DLG2: variants seen among roughly 807,000 people sequenced by gnomAD.
DLG2 encodes discs large MAGUK scaffold protein 2, also known as disks large homolog 2.
A neutral mutation model predicts 132.5 loss-of-function variants in DLG2; 45 were observed. That is an observed-to-expected ratio of 0.34 (90% CI 0.27 to 0.44). The LOEUF (loss-of-function observed/expected upper bound fraction) is 0.44, where lower values mean the gene tolerates loss of function less well. Among genes scored for constraint, DLG2 ranks in the 20% least tolerant of loss-of-function variants. The probability of loss-of-function intolerance (pLI) is 1.00; values close to 1 mark genes in which losing one functional copy is unlikely to be tolerated. For missense variants in DLG2, 1,045 were observed against 1,196.9 expected, an observed-to-expected ratio of 0.87 and a Z score of 1.87; for synonymous variants, 424 against 419.6, an observed-to-expected ratio of 1.01 and a Z score of -0.13.
intron 3 of DLG2, among the ~76,000 whole-genome samples, chr11:85,330,792 TAAAA>T (rs56995757): frequency 2.7e-4 from 31 of 116,474 alleles, no homozygotes; most frequent in African/African-American, 8.4e-4. Flanking sequence ...AAAAAAAAAT[TAAAA>T]AAAAAAAAAA....
chr11:83,692,925 C>G (rs902575520), intron 18 of DLG2: 3 of 152,144 alleles, frequency 2.0e-5, no homozygotes, highest in Non-Finnish European at 2.9e-5. Context: ...TTCCCTTCTA[C>G]TAGCTTGATG....
chr11:84,198,846 A>G (rs964303970), intron 8 of DLG2, among the ~76,000 whole-genome samples: 2 of 152,174 alleles, frequency 1.3e-5, no homozygotes, highest in African/African-American at 4.8e-5. Flanking sequence ...TATAAAAGAC[A>G]TACATTTTGT....
At chr11:83,608,279 A>G (rs1001915930) in intron 19 of DLG2, among the ~76,000 whole-genome samples, 11 of 152,172 alleles carry the variant, frequency 7.2e-5, no homozygotes, top group Non-Finnish European at 1.3e-4. Context: ...TCATCTAACA[A>G]TGAAGCTTGA....
chr11:85,607,943 C>T (rs571094197), intron 2 of DLG2, among the ~76,000 whole-genome samples: 5 of 152,240 alleles, frequency 3.3e-5, no homozygotes, highest in South Asian at 4.1e-4. Flanking sequence ...AACAAGTTTT[C>T]GACAATGCTT....
chr11:83,633,442 G>T (rs1294278507), intron 18 of DLG2, 117 bp from the exon 19 acceptor site: 1 of 735,720 alleles, frequency 1.4e-6, no homozygotes. Context: ...ACAATGGGGA[G>T]ATGTGCAACT....
At chr11:83,604,021 T>C (rs582207) in intron 19 of DLG2, among the ~76,000 whole-genome samples, 75,892 of 152,012 alleles carry the variant, frequency 0.5, 19,915 homozygotes, top group African/African-American at 0.65. Flanking sequence ...AAAATATAGA[T>C]AGATTTCAAA....
intron 6 of DLG2, among the ~76,000 whole-genome samples, chr11:84,686,629 G>GT: frequency 1.7e-5 from 2 of 121,080 alleles, no homozygotes; most frequent in Non-Finnish European, 3.3e-5. Flanking sequence ...CTGGCCTTGA[G>GT]GTTTTTTTTT....
chr11:85,504,473 C>G (rs751289396), intron 3 of DLG2, among the ~76,000 whole-genome samples: 3 of 152,014 alleles, frequency 2.0e-5, no homozygotes, highest in Non-Finnish European at 4.4e-5. Flanking sequence ...ATAGGGAAAC[C>G]TTTCCCCATT....
chr11:84,982,731 C>T (rs1243394206), intron 6 of DLG2, among the ~76,000 whole-genome samples: 1 of 151,624 alleles, frequency 6.6e-6, no homozygotes, highest in Non-Finnish European at 1.5e-5. Flanking sequence ...TAATTATATA[C>T]CAAGATGAAG....
At chr11:84,785,380 C>G (rs768348015) in intron 6 of DLG2, among the ~76,000 whole-genome samples, 3 of 151,988 alleles carry the variant, frequency 2.0e-5, no homozygotes, top group Non-Finnish European at 4.4e-5. Flanking sequence ...AACTGAGGAG[C>G]AATATTTTAC....
intron 4 of DLG2, among the ~76,000 whole-genome samples, chr11:85,278,156 A>G (rs541108805): frequency 1.1e-4 from 16 of 152,324 alleles, no homozygotes; most frequent in African/African-American, 3.1e-4. Flanking sequence ...GGGATGTCAG[A>G]CACATGTTTA....
intron 11 of DLG2, among the ~76,000 whole-genome samples, chr11:84,017,356 A>T (rs2095240584): frequency 6.6e-6 from 1 of 152,068 alleles, no homozygotes. Context: ...TTTTGAAACC[A>T]ATGTTATATA....
chr11:85,406,808 A>C (rs1207640532), intron 3 of DLG2, among the ~76,000 whole-genome samples: 1 of 151,918 alleles, frequency 6.6e-6, no homozygotes, highest in Non-Finnish European at 1.5e-5. Flanking sequence ...ACCATTTTTC[A>C]GTGAAATATA....
At chr11:84,544,096 G>T (rs2099384724) in intron 6 of DLG2, among the ~76,000 whole-genome samples, 3 of 152,302 alleles carry the variant, frequency 2.0e-5, no homozygotes, top group South Asian at 4.1e-4. Flanking sequence ...CTCTAGCTCA[G>T]TGCCACCCTC....
chr11:84,940,565 T>C (rs1012587635), intron 6 of DLG2, among the ~76,000 whole-genome samples: 8 of 152,234 alleles, frequency 5.3e-5, no homozygotes, highest in East Asian at 1.9e-4. Flanking sequence ...CATTTTTCAA[T>C]TGAATTCTTA....
chr11:85,500,805 G>A (rs536645069), intron 3 of DLG2, among the ~76,000 whole-genome samples: 1 of 152,330 alleles, frequency 6.6e-6, no homozygotes, highest in Non-Finnish European at 1.5e-5. Flanking sequence ...CACGCTCATG[G>A]ATAGGAAGAA....
chr11:85,408,259 G>T (rs1027036559), intron 3 of DLG2, among the ~76,000 whole-genome samples: 1 of 149,314 alleles, frequency 6.7e-6, no homozygotes, highest in Non-Finnish European at 1.5e-5. Context: ...ATAACTTATT[G>T]CTGTGTAACC....
intron 6 of DLG2, among the ~76,000 whole-genome samples, chr11:85,089,322 C>T (rs1390407352): frequency 2.0e-5 from 3 of 151,912 alleles, no homozygotes; most frequent in Admixed American, 2.0e-4. Flanking sequence ...ATTTATTGTC[C>T]CCAGTTTTAT....
At chr11:84,906,413 C>CACACACACACAG (rs1555291378) in intron 6 of DLG2, among the ~76,000 whole-genome samples, 1 of 149,656 alleles carries the variant, frequency 6.7e-6, no homozygotes, top group Non-Finnish European at 1.5e-5. Flanking sequence ...CACACACACA[C>CACACACACACAG]AGAGAGCCAA....
Sources: gnomAD v4.1 joint callset for allele counts (sites outside exome capture counted in the v4.1 genomes callset) on GRCh38, gnomAD v4.1.1 for gene constraint, MANE v1.5 for transcripts, NCBI Gene and HGNC (gene_info 2026-07-23, HGNC 2026-07-21) for gene names.